Variants in PSPC1 observed in about 807,000 individuals in gnomAD.
The protein encoded by PSPC1 is paraspeckle component 1.
In PSPC1, 14 loss-of-function variants were observed where a neutral mutation model predicts 51.6. The ratio of observed to expected loss-of-function variants is 0.27; its 90% confidence interval spans 0.18 to 0.42. PSPC1 has a LOEUF of 0.42. PSPC1 is among the 10% of genes least tolerant of loss of function. The pLI is 1.00. For synonymous variants in PSPC1, 193 were observed against 231.9 expected, an observed-to-expected ratio of 0.83 and a Z score of 1.53; for missense variants, 406 against 701.1, an observed-to-expected ratio of 0.58 and a Z score of 4.75.
chr13:19,782,663 G>T lies in PSPC1; in HGVS notation c.95C>A (p.Ala32Glu). 1.3e-6 allele frequency: 2 copies of T among 1,549,606 alleles called. No individual in the cohort carries two copies. Among genetic ancestry groups the T allele is most frequent in the South Asian group, 1.2e-5 (1 of 83,682 alleles). Residue 32 changes from alanine (A) to glutamate (E), a missense_variant, in exon 1 of 9, where the codon GCG (alanine) becomes GAG (glutamate). Transcript: ENST00000338910. The surrounding 1 kb of genome is among the most constrained non-coding windows in gnomAD (Gnocchi z 4.5). Reference sequence around the variant, plus strand: ...AGCGAGCGCCATGGCTGCCGCGGCCGCCGGCTCGCTCTCGCCCACCGCGGA... The same window carrying T: ...AGCGAGCGCCATGGCTGCCGCGGCCTCCGGCTCGCTCTCGCCCACCGCGGA... ...LESAVGESEP[A>E]AAAAMALALA...
chr13:19,716,892 TTAAA>T (rs574000520), intron 6 of PSPC1, among the ~76,000 whole-genome samples: 1 of 152,140 alleles, frequency 6.6e-6, no homozygotes, highest in South Asian at 2.1e-4. Flanking sequence ...ATGAGAAAGA[TTAAA>T]TAAGAACTGT....
Position 19,730,604 on chromosome 13 carries a change from G to A in PSPC1, c.1053-260C>T, listed in dbSNP as rs552057532. 1.1e-4 allele frequency among the ~76,000 whole-genome samples: 16 copies of A among 152,042 alleles called. No individual in the cohort carries two copies. The South Asian group carries it at 1.5e-3, about 14-fold the overall frequency. ...AATCATAACTAGGATAGTTATTTGC[G>A]TATATTCAAGAAATTGAGAGTCAAA... On this transcript the variant is annotated intron_variant, in intron 5 of 8. Coordinates refer to ENST00000338910, the MANE Select transcript of PSPC1 (RefSeq NM_001354909.2).
At chr13:19,734,519 G>A (rs766586570) in intron 5 of PSPC1, among the ~76,000 whole-genome samples, 15 of 152,110 alleles carry the variant, frequency 9.9e-5, no homozygotes, top group Non-Finnish European at 1.5e-4. Context: ...AAGGAAGTGG[G>A]GGCCAGGCGC....
chr13:19,764,352 A>G (rs1887860085), intron 2 of PSPC1, among the ~76,000 whole-genome samples: 1 of 152,078 alleles, frequency 6.6e-6, no homozygotes, highest in African/African-American at 2.4e-5. Context: ...TACGCACTGC[A>G]TGCATGCACA....
chr13:19,749,334 G>A (rs1593701896), intron 4 of PSPC1, among the ~76,000 whole-genome samples: 1 of 151,946 alleles, frequency 6.6e-6, no homozygotes, highest in East Asian at 1.9e-4. Context: ...GGCGACAACA[G>A]TGAGACTCCA....
At chr13:19,674,266 A>AAT (rs71810753), downstream of PSPC1, among the ~76,000 whole-genome samples, 7 of 124,500 alleles carry the variant, frequency 5.6e-5, no homozygotes, top group South Asian at 2.2e-4. Flanking sequence ...TGCCAAAATA[A>AAT]ATAGGGATTC....
chr13:19,671,956 A>C, downstream of PSPC1: 1 of 1,427,228 alleles, frequency 7.0e-7, no homozygotes, highest in Middle Eastern at 1.8e-4. Flanking sequence ...TTCTTCTAGC[A>C]CATCTATGTA....
At chr13:19,754,546 T>A (rs543388912) in intron 3 of PSPC1, among the ~76,000 whole-genome samples, 11 of 151,080 alleles carry the variant, frequency 7.3e-5, no homozygotes, top group Admixed American at 2.0e-4. Context: ...TTCAAGCGAT[T>A]CTCCTGCCTC....
intron 4 of PSPC1, among the ~76,000 whole-genome samples, chr13:19,749,126 C>G (rs1345700476): frequency 6.6e-6 from 1 of 152,128 alleles, no homozygotes; most frequent in African/African-American, 2.4e-5. Flanking sequence ...GCGGGCGGAT[C>G]ACCTGAGGTC....
chr13:19,673,994 G>A (rs1247887493), downstream of PSPC1, among the ~76,000 whole-genome samples: 2 of 152,212 alleles, frequency 1.3e-5, no homozygotes, highest in East Asian at 1.9e-4. Flanking sequence ...GGAAAGCTAC[G>A]AAGTCAGATG....
chr13:19,750,833 G>A (rs566713194), intron 4 of PSPC1, among the ~76,000 whole-genome samples: 6 of 151,928 alleles, frequency 3.9e-5, no homozygotes, highest in Non-Finnish European at 5.9e-5. Flanking sequence ...ACAATGATGC[G>A]ATCTCAGCTC....
rs771742485 is a variant in PSPC1 at position 19,782,545 on chromosome 13, G to T, written c.213C>A (p.Leu71=). Residue 71 remains leucine (L), a synonymous_variant, in exon 1 of 9, where the codon CTC becomes CTA. Coordinates refer to ENST00000338910, the MANE Select transcript of PSPC1 (RefSeq NM_001354909.2). The surrounding 1 kb of genome is among the most constrained non-coding windows in gnomAD (Gnocchi z 4.5). ...GCGTGTACGTCTTCTCGCCCGGCTT[G>T]AGGAAACTCTTGATGTCGATAGTGA... is the stretch of plus-strand genomic sequence containing the variant. ...MGFTIDIKSF[L]KPGEKTYTQR... is the part of the protein sequence containing the mutation. The T allele has an allele frequency of 6.2e-7, 1 of 1,613,078 alleles. No individual in the cohort carries two copies. Among genetic ancestry groups the T allele is most frequent in the Non-Finnish European group, 8.5e-7 (1 of 1,179,584 alleles).
At chr13:19,727,018 A>G (rs1883426457) in intron 6 of PSPC1, among the ~76,000 whole-genome samples, 1 of 152,254 alleles carries the variant, frequency 6.6e-6, no homozygotes, top group Non-Finnish European at 1.5e-5. Context: ...ATTTAGTTCA[A>G]TGCAGGAAAC....
At chr13:19,677,468 A>G (rs932893759) in intron 7 of PSPC1, among the ~76,000 whole-genome samples, 6 of 152,174 alleles carry the variant, frequency 3.9e-5, no homozygotes, top group Admixed American at 2.0e-4. Flanking sequence ...GAGGAGGGCA[A>G]GGCGAAGCTG....
chr13:19,699,513 C>T (rs1879650720), downstream of PSPC1: 2 of 151,988 alleles, frequency 1.3e-5, no homozygotes, highest in Non-Finnish European at 2.9e-5. Context: ...AAGTATAAGA[C>T]TACTCCCAAT....
At chr13:19,679,402 A>G (rs1426317885) in intron 6 of PSPC1, among the ~76,000 whole-genome samples, 1 of 152,198 alleles carries the variant, frequency 6.6e-6, no homozygotes, top group Admixed American at 6.5e-5. Flanking sequence ...AGGCTGAAGC[A>G]GAAGGATCGT....
rs1360439183 is a variant in PSPC1, at chr13:19,782,348, A to T, written c.372+38T>A. On this transcript the variant is annotated intron_variant, in intron 1 of 8. Transcript: ENST00000338910. This position sits in a 1 kb window ranked among gnomAD's most constrained non-coding sequence, Gnocchi z 4.5. ...CCCACGACCCCGCGGCCACCCCGAC[A>T]GTCCTTTTGTTCCCTCGCGCGGGCG... is the stretch of plus-strand genomic sequence containing the variant. The T allele has an allele frequency of 2.0e-6, 3 of 1,537,992 alleles. No homozygotes were observed. The highest frequency in any genetic ancestry group is 1.4e-5 in the African/African-American group (1 of 70,742).
At chr13:19,772,943 C>T (rs1888752288) in intron 1 of PSPC1, among the ~76,000 whole-genome samples, 1 of 152,082 alleles carries the variant, frequency 6.6e-6, no homozygotes, top group Admixed American at 6.6e-5. Context: ...GGGCGGATCA[C>T]CTGAGGTCAG....
At chr13:19,736,111 C>T (rs9550589) in intron 5 of PSPC1, among the ~76,000 whole-genome samples, 16,246 of 151,792 alleles carry the variant, frequency 0.11, 1,013 homozygotes, top group Middle Eastern at 0.14. Flanking sequence ...TGAGCCACCG[C>T]GCCCGGCCAA....
Sources: allele counts gnomAD v4.1 joint callset (sites outside exome capture counted in the v4.1 genomes callset), GRCh38; gene constraint gnomAD v4.1.1; non-coding constraint Gnocchi (gnomAD v3.1); transcripts MANE v1.5; gene names NCBI Gene and HGNC (gene_info 2026-07-23, HGNC 2026-07-21).